EBAG9: variants seen among roughly 807,000 people sequenced by gnomAD.
EBAG9 encodes receptor-binding cancer antigen expressed on SiSo cells.
A neutral mutation model predicts 30.9 loss-of-function variants in EBAG9; 16 were observed. The observed-to-expected ratio is 0.52, with a 90% confidence interval of 0.35 to 0.79. The LOEUF (loss-of-function observed/expected upper bound fraction) is 0.79, where lower values mean the gene tolerates loss of function less well. Among genes scored for constraint, EBAG9 ranks in the 30% least tolerant of loss-of-function variants. The pLI, the probability that EBAG9 is intolerant of heterozygous loss-of-function variation, is 0.01. For synonymous variants in EBAG9, 93 were observed against 82.8 expected (o/e 1.12, Z -0.67); for missense variants, 197 against 242.1 (o/e 0.81, Z 1.24).
At chr8:109,556,873 G>T in intron 4 of EBAG9, 62 bp from the exon 5 acceptor site, 1 of 797,050 alleles carries the variant, frequency 1.3e-6, no homozygotes, top group Non-Finnish European at 1.9e-6. Context: ...TGTTTTGGTT[G>T]TCTATTTTTA....
chr8:109,561,163 G>A (rs189721496), intron 6 of EBAG9, among the ~76,000 whole-genome samples: 139 of 150,866 alleles, frequency 9.2e-4, no homozygotes, highest in Non-Finnish European at 1.8e-3. Context: ...CTTTATTAAT[G>A]GCAAATGGAG....
intron 3 of EBAG9, 21 bp from the exon 4 acceptor site, chr8:109,554,708 A>G (rs2131119179): frequency 1.9e-6 from 3 of 1,607,790 alleles, no homozygotes; most frequent in Non-Finnish European, 2.6e-6. Context: ...GTGGCTGATA[A>G]TGTTGATCAA....
intron 4 of EBAG9, 110 bp from the exon 5 acceptor site, chr8:109,556,825 A>G (rs951715525): frequency 5.9e-6 from 3 of 505,660 alleles, no homozygotes; most frequent in Non-Finnish European, 9.6e-6. Context: ...TTTTTACATT[A>G]TAAATTTTAA....
rs185499732 is a variant in EBAG9, at chr8:109,556,996, C to G, written c.383C>G (p.Ser128Cys). The G allele has an allele frequency of 1.9e-5, 31 of 1,608,114 alleles. No homozygotes were observed. In the Admixed American group the frequency reaches 2.7e-4, roughly 14 times the overall value. Reference protein sequence around the residue: ...FGIPDGSTGFSSRLAATQDLP... With the variant: ...FGIPDGSTGFCSRLAATQDLP... ...ATCCCAGATGGGAGCACAGGTTTCT[C>G]TAGTAGATTAGCAGCTACACAAGAT... Residue 128 changes from serine (S) to cysteine (C), a missense_variant, in exon 5 of 7, where the codon TCT becomes TGT. Ser to Cys is a moderately radical substitution (Grantham distance 112). Transcript: ENST00000337573.
intron 6 of EBAG9, among the ~76,000 whole-genome samples, chr8:109,563,049 A>G (rs1821741544): frequency 6.6e-6 from 1 of 152,016 alleles, no homozygotes; most frequent in Non-Finnish European, 1.5e-5. Context: ...TGACATTTTT[A>G]GTTCAGATTA....
intron 3 of EBAG9, 57 bp downstream of exon 3, chr8:109,554,000 G>T (rs1004016994): frequency 7.9e-6 from 10 of 1,262,078 alleles, no homozygotes; most frequent in African/African-American, 3.1e-5. Flanking sequence ...TTGAATAAGT[G>T]TCCTAGAACA....
rs570805067 is a variant in EBAG9, at chr8:109,564,370, C to A, written c.522-69C>A. On this transcript the variant is annotated intron_variant, in intron 6 of 6. Coordinates refer to ENST00000337573, the MANE Select transcript of EBAG9 (RefSeq NM_004215.5). ...TGATAATAAAAAGGCACTGCTATTT[C>A]TTTCTAGAATTTATTTGCCATTTTA... is the stretch of plus-strand genomic sequence containing the variant. 2,112 of 1,569,550 alleles carry A rather than the reference C, an allele frequency of 1.3e-3. 1 individual carries two copies. The highest frequency in any genetic ancestry group is 1.7e-3 in the Non-Finnish European group (1,944 of 1,161,420).
chr8:109,561,402 A>C (rs1239476405), intron 6 of EBAG9, among the ~76,000 whole-genome samples: 2 of 152,122 alleles, frequency 1.3e-5, no homozygotes, highest in Middle Eastern at 3.4e-3. Flanking sequence ...AATGATGTCC[A>C]TGAAAGCCCT....
intron 5 of EBAG9, among the ~76,000 whole-genome samples, chr8:109,558,340 A>G (rs1418855274): frequency 1.3e-5 from 2 of 152,328 alleles, no homozygotes; most frequent in Admixed American, 6.5e-5. Flanking sequence ...ACACACGTCA[A>G]TATAATTACA....
intron 3 of EBAG9, among the ~76,000 whole-genome samples, chr8:109,554,156 CAA>C (rs747985832): frequency 2.3e-4 from 35 of 152,068 alleles, no homozygotes; most frequent in Non-Finnish European, 3.8e-4. Flanking sequence ...TCATTGGTTT[CAA>C]GTGTTTGCTA....
intron 1 of EBAG9, among the ~76,000 whole-genome samples, chr8:109,547,520 GC>G (rs1163620447): frequency 6.8e-6 from 1 of 146,076 alleles, no homozygotes; most frequent in East Asian, 2.0e-4. Flanking sequence ...TCACTCTGTT[GC>G]CCAGGCTGGA....
chr8:109,563,589 T>G (rs1183400591), intron 6 of EBAG9: 84 of 1,531,604 alleles, frequency 5.5e-5, no homozygotes, highest in Non-Finnish European at 5.4e-5. Flanking sequence ...TTTTTTTTTT[T>G]TTTTAAACTT....
chr8:109,551,295 T>C (rs2131112381), intron 2 of EBAG9, among the ~76,000 whole-genome samples: 1 of 152,140 alleles, frequency 6.6e-6, no homozygotes, highest in Admixed American at 6.5e-5. Context: ...GTGTTGTTTT[T>C]ATATTTAAAA....
upstream of EBAG9, chr8:109,540,088 C>G (rs1254575298): frequency 6.6e-6 from 1 of 152,656 alleles, no homozygotes; most frequent in African/African-American, 2.4e-5. Context: ...CCAGACCTCC[C>G]TCGACGCCCG....
At chr8:109,558,299 G>T (rs978893401) in intron 5 of EBAG9, among the ~76,000 whole-genome samples, 8 of 152,062 alleles carry the variant, frequency 5.3e-5, no homozygotes, top group African/African-American at 1.2e-4. Context: ...ATGCATTCTA[G>T]TAGGGGAGAC....
At chr8:109,557,809 C>T (rs1821631427) in intron 5 of EBAG9, 1 of 399,314 alleles carries the variant, frequency 2.5e-6, no homozygotes, top group South Asian at 1.7e-5. Flanking sequence ...CAGCTCACTT[C>T]TACACCTGAC....
At chr8:109,552,031 AAG>A (rs1381853463) in intron 2 of EBAG9, among the ~76,000 whole-genome samples, 1 of 152,096 alleles carries the variant, frequency 6.6e-6, no homozygotes, top group African/African-American at 2.4e-5. Flanking sequence ...CTTACATACT[AAG>A]AGGAGGGTAT....
intron 1 of EBAG9, among the ~76,000 whole-genome samples, chr8:109,548,428 T>C (rs994926006): frequency 1.3e-5 from 2 of 152,164 alleles, no homozygotes; most frequent in Non-Finnish European, 2.9e-5. Flanking sequence ...GCTAGCTGTT[T>C]TACCTTGTTC....
intron 1 of EBAG9, among the ~76,000 whole-genome samples, chr8:109,541,575 T>C (rs1821276997): frequency 6.6e-6 from 1 of 152,208 alleles, no homozygotes; most frequent in East Asian, 1.9e-4. Context: ...TCAACAAATA[T>C]TTGAGTACCT....
Sources: gnomAD v4.1 joint callset for allele counts (sites outside exome capture counted in the v4.1 genomes callset) on GRCh38, gnomAD v4.1.1 for gene constraint, MANE v1.5 for transcripts, NCBI Gene and HGNC (gene_info 2026-07-23, HGNC 2026-07-21) for gene names.